Variants in NPAS3 observed in about 807,000 individuals in gnomAD.
NPAS3 encodes neuronal PAS domain-containing protein 3.
A neutral mutation model predicts 73.1 loss-of-function variants in NPAS3; 14 were observed. That is an observed-to-expected ratio of 0.19 (90% CI 0.13 to 0.30). The LOEUF (loss-of-function observed/expected upper bound fraction) is 0.30, where lower values mean the gene tolerates loss of function less well. NPAS3 is among the 10% of genes least tolerant of loss of function. The pLI is 1.00. For missense variants in NPAS3, 1,096 were observed against 1,250.0 expected (o/e 0.88, Z 1.86); for synonymous variants, 620 against 541.5 (o/e 1.14, Z -2.01).
At chr14:33,607,840 C>A (rs912145527) in intron 5 of NPAS3, among the ~76,000 whole-genome samples, 1 of 152,142 alleles carries the variant, frequency 6.6e-6, no homozygotes, top group African/African-American at 2.4e-5. Context: ...GAAGGGGAAG[C>A]AAACACGTCC....
At chr14:33,701,775 C>T (rs1355955686) in intron 6 of NPAS3, among the ~76,000 whole-genome samples, 1 of 152,158 alleles carries the variant, frequency 6.6e-6, no homozygotes, top group Non-Finnish European at 1.5e-5. Context: ...TTCCAGTGTT[C>T]GTACTGAATC....
At chr14:33,262,556 A>G (rs2049013135) in intron 3 of NPAS3, among the ~76,000 whole-genome samples, 1 of 152,188 alleles carries the variant, frequency 6.6e-6, no homozygotes, top group South Asian at 2.1e-4. Context: ...TATATTTAAT[A>G]ATAGTAAAAC....
rs1555344654 is a variant in NPAS3 at position 33,147,730 on chromosome 14, A to ATATATATAT, written c.141-67452_141-67451insTATATATAT. On this transcript the variant is annotated intron_variant, in intron 2 of 11. Coordinates refer to ENST00000356141, the Ensembl canonical transcript of NPAS3. ...CCCTAGAACTTAAAGTAGAATAAAA[A>ATATATATAT]ATATATATATATATATATATATATA... Among the ~76,000 whole-genome samples the ATATATATAT allele has an allele frequency of 2.0e-4, 26 of 130,362 alleles. 1 individual carries two copies. The highest frequency in any genetic ancestry group is 8.3e-4 in the East Asian group (4 of 4,818). The allele number at this position is 130,362 out of a possible 152,430, so 85.5% of individuals were successfully genotyped here.
At chr14:33,325,900 A>T (rs2043683606) in intron 3 of NPAS3, among the ~76,000 whole-genome samples, 1 of 152,152 alleles carries the variant, frequency 6.6e-6, no homozygotes, top group African/African-American at 2.4e-5. Context: ...TTCAGTTACC[A>T]AAGTATAGTT....
intron 1 of NPAS3, among the ~76,000 whole-genome samples, chr14:33,053,127 A>G (rs2138511847): frequency 6.6e-6 from 1 of 152,280 alleles, no homozygotes. Context: ...CAACTGTAGG[A>G]CTTGCCCGCT....
At chr14:33,693,487 A>G (rs1447953754) in intron 6 of NPAS3, among the ~76,000 whole-genome samples, 1 of 152,154 alleles carries the variant, frequency 6.6e-6, no homozygotes, top group African/African-American at 2.4e-5. Context: ...AATGTGGTAA[A>G]TTCAGTGAAA....
intron 3 of NPAS3, among the ~76,000 whole-genome samples, chr14:33,287,645 G>A (rs190764985): frequency 3.3e-5 from 5 of 152,224 alleles, no homozygotes; most frequent in Admixed American, 6.5e-5. Context: ...GTCCAATACT[G>A]TATCTACATC....
rs143557375 is a variant in NPAS3, at chr14:33,050,036, G to A, written c.51-5869G>A. On this transcript the variant is annotated intron_variant, in intron 1 of 11. Coordinates refer to ENST00000356141, the Ensembl canonical transcript of NPAS3. Reference sequence around the variant, plus strand: ...AAACTGCAGGAATATTTTGGTTAGCGCTGAGGGAGTTCTGTAGGTATGTTA... The same window carrying A: ...AAACTGCAGGAATATTTTGGTTAGCACTGAGGGAGTTCTGTAGGTATGTTA... Among the ~76,000 whole-genome samples, 1,189 of 152,228 alleles carry A rather than the reference G, an allele frequency of 7.8e-3. 12 individuals carry two copies. Among genetic ancestry groups the A allele is most frequent in the Middle Eastern group, 0.031 (9 of 294 alleles).
At chr14:33,544,842 TTA>T (rs61447169) in intron 4 of NPAS3, among the ~76,000 whole-genome samples, 1 of 123,698 alleles carries the variant, frequency 8.1e-6, no homozygotes, top group South Asian at 2.4e-4. Flanking sequence ...TATATATATA[TTA>T]TATATATGTG....
chr14:33,778,585 T>C lies in NPAS3; in HGVS notation c.1153+13T>C. ...AGTCACTTGGACTGTAAGTACCTCC[T>C]GTGTGGGGGAATAACCCCGGCTGGT... On this transcript the variant is annotated intron_variant, in intron 9 of 11. Transcript: ENST00000356141. 1 of 1,568,996 alleles carries C rather than the reference T, an allele frequency of 6.4e-7. No individual in the cohort carries two copies. The highest frequency in any genetic ancestry group is 8.8e-7 in the Non-Finnish European group (1 of 1,139,020).
chr14:33,565,330 A>G (rs1416151482), intron 5 of NPAS3, among the ~76,000 whole-genome samples: 3 of 152,352 alleles, frequency 2.0e-5, no homozygotes, highest in South Asian at 4.1e-4. Flanking sequence ...CAAATAAATG[A>G]CAGAGCTCAG....
At chr14:33,794,130 G>T in intron 10 of NPAS3, 86 bp downstream of exon 10, 1 of 1,199,022 alleles carries the variant, frequency 8.3e-7, no homozygotes, top group Non-Finnish European at 1.2e-6. Flanking sequence ...CCGACATGTT[G>T]TGAATATTAT....
intron 1 of NPAS3, among the ~76,000 whole-genome samples, chr14:32,939,623 C>CAAAAA (rs752795909): frequency 1.8e-4 from 20 of 110,092 alleles, no homozygotes; most frequent in African/African-American, 2.2e-4. Context: ...GACTCACTGA[C>CAAAAA]AAAAAAAAAA....
At chr14:33,257,279 C>G (rs189848908) in intron 3 of NPAS3, among the ~76,000 whole-genome samples, 11 of 152,170 alleles carry the variant, frequency 7.2e-5, no homozygotes, top group African/African-American at 2.7e-4. Context: ...CTCTTTTCCT[C>G]AGGCTTAGGG....
chr14:33,392,632 C>G (rs1015477771), intron 4 of NPAS3, among the ~76,000 whole-genome samples: 1 of 152,144 alleles, frequency 6.6e-6, no homozygotes, highest in African/African-American at 2.4e-5. Context: ...TCAGTTATGA[C>G]TATTTCCATA....
At chr14:33,605,079 T>C (rs1595258151) in intron 5 of NPAS3, among the ~76,000 whole-genome samples, 1 of 151,542 alleles carries the variant, frequency 6.6e-6, no homozygotes, top group Non-Finnish European at 1.5e-5. Flanking sequence ...ATAATTAAGA[T>C]TAAAGTAGAA....
chr14:33,643,665 T>G (rs2058741939), intron 5 of NPAS3, among the ~76,000 whole-genome samples: 2 of 152,168 alleles, frequency 1.3e-5, no homozygotes, highest in South Asian at 4.1e-4. Flanking sequence ...AATCACATAT[T>G]CAGCTACTTT....
At chr14:33,501,020 T>C (rs2052487193) in intron 4 of NPAS3, among the ~76,000 whole-genome samples, 1 of 152,020 alleles carries the variant, frequency 6.6e-6, no homozygotes, top group Non-Finnish European at 1.5e-5. Context: ...ATACTTAGGA[T>C]GTTGTCTTTC....
intron 2 of NPAS3, among the ~76,000 whole-genome samples, chr14:33,135,960 G>A (rs1270044974): frequency 6.6e-6 from 1 of 152,044 alleles, no homozygotes; most frequent in Non-Finnish European, 1.5e-5. Flanking sequence ...GGACACAATA[G>A]GTTGTCTTAT....
Sources: gnomAD v4.1 joint callset for allele counts (sites outside exome capture counted in the v4.1 genomes callset) on GRCh38, gnomAD v4.1.1 for gene constraint, MANE v1.5 for transcripts, NCBI Gene and HGNC (gene_info 2026-07-23, HGNC 2026-07-21) for gene names.